Variants in RFTN2 observed in about 807,000 individuals in gnomAD.
The protein encoded by RFTN2 is raftlin family member 2, also known as raftlin-2.
A neutral mutation model predicts 52.7 loss-of-function variants in RFTN2; 34 were observed. That is an observed-to-expected ratio of 0.64 (90% CI 0.49 to 0.86). The LOEUF (loss-of-function observed/expected upper bound fraction) is 0.86, where lower values mean the gene tolerates loss of function less well. Among genes scored for constraint, RFTN2 ranks in the 40% least tolerant of loss-of-function variants. RFTN2 has a pLI of 0.00. For missense variants in RFTN2, 536 were observed against 600.1 expected, an observed-to-expected ratio of 0.89 and a Z score of 1.12; for synonymous variants, 203 against 217.7, an observed-to-expected ratio of 0.93 and a Z score of 0.59.
intron 8 of RFTN2, among the ~76,000 whole-genome samples, chr2:197,594,487 C>T (rs2087766223): frequency 6.6e-6 from 1 of 152,036 alleles, no homozygotes; most frequent in African/African-American, 2.4e-5. Context: ...GCCACCATGC[C>T]TGCCTAATTT....
intron 1 of RFTN2, among the ~76,000 whole-genome samples, chr2:197,660,420 TATTA>T (rs1211610614): frequency 3.3e-5 from 5 of 152,184 alleles, no homozygotes. Context: ...CTCATTTATG[TATTA>T]ATTGAAGTAA....
intron 5 of RFTN2, among the ~76,000 whole-genome samples, chr2:197,630,561 T>G (rs1224092909): frequency 6.6e-6 from 1 of 152,212 alleles, no homozygotes; most frequent in Non-Finnish European, 1.5e-5. Context: ...AACGTCACTT[T>G]CTAAACCAAA....
chr2:197,660,846 A>G (rs930689568), intron 1 of RFTN2, among the ~76,000 whole-genome samples: 5 of 152,154 alleles, frequency 3.3e-5, no homozygotes, highest in Admixed American at 2.0e-4. Context: ...GGTGTGAGCC[A>G]CTGCGCCCGG....
At chr2:197,590,583 A>G (rs1194567178) in intron 8 of RFTN2, among the ~76,000 whole-genome samples, 1 of 152,202 alleles carries the variant, frequency 6.6e-6, no homozygotes, top group East Asian at 1.9e-4. Flanking sequence ...ACTGACCTCA[A>G]GAGTGAAGCC....
chr2:197,589,219 C>CAAAAAAA (rs35798927), intron 8 of RFTN2, among the ~76,000 whole-genome samples: 3 of 33,550 alleles, frequency 8.9e-5, no homozygotes, highest in Admixed American at 6.3e-4. Flanking sequence ...GACTCTGTCT[C>CAAAAAAA]AAAAAAAAAA....
intron 7 of RFTN2, among the ~76,000 whole-genome samples, chr2:197,602,953 C>G (rs2087902397): frequency 1.3e-5 from 2 of 152,104 alleles, no homozygotes; most frequent in Non-Finnish European, 1.5e-5. Flanking sequence ...AACCATCATT[C>G]TCAGCAAACT....
In RFTN2 at chr2:197,570,944, A is replaced by T. The variant is rs536057150; in HGVS notation, c.*1064T>A. On this transcript the variant is annotated 3_prime_UTR_variant, in exon 9 of 9. Transcript: ENST00000295049. ...CCATCTTTCAAAGTAAGCCTTTCATAGATAAATGAAAATCCTTTATTTTGT... is the reference window on the plus strand; with the variant it reads ...CCATCTTTCAAAGTAAGCCTTTCATTGATAAATGAAAATCCTTTATTTTGT... 1 of 152,430 alleles carries T rather than the reference A, an allele frequency of 6.6e-6. No individual in the cohort carries two copies. Among genetic ancestry groups the T allele is most frequent in the South Asian group, 2.1e-4 (1 of 4,832 alleles). 9.4% of individuals were successfully genotyped at this position (152,430 alleles called of 1,614,324 possible).
chr2:197,646,535 G>A lies in RFTN2; in HGVS notation c.271C>T (p.His91Tyr), dbSNP rs1416118246. 9.9e-6 allele frequency: 16 copies of A among 1,613,962 alleles called. No homozygotes were observed. The highest frequency in any genetic ancestry group is 1.3e-5 in the Non-Finnish European group (15 of 1,179,990). The change falls in exon 2 of 9, where the codon CAC (histidine) becomes TAC (tyrosine). Residue 91 changes from histidine (H) to tyrosine (Y), a missense_variant. His to Tyr is a moderately conservative substitution (Grantham distance 83). Coordinates refer to ENST00000295049, the MANE Select transcript of RFTN2 (RefSeq NM_144629.3). ...CTGTATAGGTAACTTGCAGGTAGGT[G>A]TTTTCGCTGCCCCACAGGTTGTATA... is the stretch of plus-strand genomic sequence containing the variant. ...PVIQPVGQRK[H>Y]LPASYLYRVV...
chr2:197,637,940 C>G (rs939448865), intron 3 of RFTN2, among the ~76,000 whole-genome samples: 10 of 150,898 alleles, frequency 6.6e-5, no homozygotes, highest in African/African-American at 2.4e-4. Context: ...TATGTTGTGT[C>G]TTTGTTCTCG....
At chr2:197,634,949 AT>A (rs1171005524) in intron 3 of RFTN2, among the ~76,000 whole-genome samples, 1 of 127,924 alleles carries the variant, frequency 7.8e-6, no homozygotes, top group Admixed American at 9.8e-5. Context: ...ATGTGATCTC[AT>A]TGTTCAATTC....
At chr2:197,648,463 G>T (rs1032807222) in intron 1 of RFTN2, among the ~76,000 whole-genome samples, 1 of 152,144 alleles carries the variant, frequency 6.6e-6, no homozygotes, top group Non-Finnish European at 1.5e-5. Context: ...CTGCTTGTTG[G>T]TGTGGCAATT....
intron 7 of RFTN2, among the ~76,000 whole-genome samples, chr2:197,611,191 C>T (rs1391743253): frequency 6.6e-6 from 1 of 152,112 alleles, no homozygotes; most frequent in African/African-American, 2.4e-5. Flanking sequence ...GGAATGGTAC[C>T]AGCTCCTCTT....
chr2:197,570,126 C>G lies in RFTN2; in HGVS notation c.*1882G>C, dbSNP rs1329679277. On this transcript the variant is annotated 3_prime_UTR_variant, in exon 9 of 9. Transcript: ENST00000295049. ...CTTTCTGATTTGTTCTTTGTGCTTC[C>G]TAACTTCATTACGTTTTATGGACTC... 1 of 152,038 alleles carries G rather than the reference C, an allele frequency of 6.6e-6. No individual in the cohort carries two copies. The highest frequency in any genetic ancestry group is 1.5e-5 in the Non-Finnish European group (1 of 68,014). The allele number at this position is 152,038 out of a possible 1,614,324, so 9.4% of individuals were successfully genotyped here. A position where few individuals can be genotyped will look rare whatever the true frequency, so the allele number is the denominator to read the frequency against.
At chr2:197,637,059 T>C (rs1221234087) in intron 3 of RFTN2, among the ~76,000 whole-genome samples, 63 of 150,898 alleles carry the variant, frequency 4.2e-4, no homozygotes, top group Non-Finnish European at 4.3e-4. Flanking sequence ...TTTGTGTATA[T>C]TGAACCAGCC....
At chr2:197,651,597 T>G (rs560892036) in intron 1 of RFTN2, among the ~76,000 whole-genome samples, 1 of 152,068 alleles carries the variant, frequency 6.6e-6, no homozygotes, top group African/African-American at 2.4e-5. Context: ...GCCTGGGTGA[T>G]AAGAGTGAAA....
chr2:197,642,810 G>A (rs183278413), intron 3 of RFTN2, among the ~76,000 whole-genome samples: 44 of 152,216 alleles, frequency 2.9e-4, no homozygotes, highest in Non-Finnish European at 5.7e-4. Flanking sequence ...ACAGACTCCT[G>A]TCTTTACAAA....
rs116495842 is a variant in RFTN2 at position 197,572,548 on chromosome 2, C to T, written c.1234-268G>A. Among the ~76,000 whole-genome samples the T allele has an allele frequency of 9.6e-3, 1,467 of 152,296 alleles. 24 individuals carry two copies. The highest frequency in any genetic ancestry group is 0.033 in the African/African-American group (1,381 of 41,556). ...TGATGGGTATGTTATGTACACATCT[C>T]GGCCCTCAGTGACATCTCTAAGGAA... is the stretch of plus-strand genomic sequence containing the variant. On this transcript the variant is annotated intron_variant, in intron 8 of 8. Coordinates refer to ENST00000295049, the MANE Select transcript of RFTN2 (RefSeq NM_144629.3).
In RFTN2 at chr2:197,570,942, A is replaced by G. The variant is rs1205669304; in HGVS notation, c.*1066T>C. 2.0e-5 allele frequency: 3 copies of G among 152,294 alleles called. No homozygotes were observed. Among genetic ancestry groups the G allele is most frequent in the Admixed American group, 6.5e-5 (1 of 15,286 alleles). The allele number at this position is 152,294 out of a possible 1,614,324, so 9.4% of individuals were successfully genotyped here. ...TTCCATCTTTCAAAGTAAGCCTTTC[A>G]TAGATAAATGAAAATCCTTTATTTT... On this transcript the variant is annotated 3_prime_UTR_variant, in exon 9 of 9. Coordinates refer to ENST00000295049, the MANE Select transcript of RFTN2 (RefSeq NM_144629.3).
At position 197,617,916 on chromosome 2, in the gene RFTN2, G is replaced by T. The variant is rs776572146; in HGVS notation, c.934C>A (p.His312Asn). The T allele has an allele frequency of 1.2e-6, 2 of 1,602,946 alleles. No homozygotes were observed. Among genetic ancestry groups the T allele is most frequent in the East Asian group, 2.3e-5 (1 of 44,148 alleles). Residue 312 changes from histidine (H) to asparagine (N), a missense_variant, in exon 6 of 9, where the codon CAT becomes AAT. Coordinates refer to ENST00000295049, the MANE Select transcript of RFTN2 (RefSeq NM_144629.3). ...FVFWETSKGE[H>N]LPKSLEGFFI... The stretch of plus-strand genomic sequence containing the variant: ...AATCCTTCCAAAGATTTAGGCAAAT[G>T]TTCCCCTGTGAGGAAGAGGGTACAA...
Sources: gnomAD v4.1 joint callset for allele counts (sites outside exome capture counted in the v4.1 genomes callset) on GRCh38, gnomAD v4.1.1 for gene constraint, MANE v1.5 for transcripts, NCBI Gene and HGNC (gene_info 2026-07-23, HGNC 2026-07-21) for gene names.